OSBP: variants seen among roughly 807,000 people sequenced by gnomAD.
The protein encoded by OSBP is oxysterol binding protein.
In OSBP, 32 loss-of-function variants were observed where a neutral mutation model predicts 96.6. That is an observed-to-expected ratio of 0.33 (90% CI 0.25 to 0.45). The LOEUF (loss-of-function observed/expected upper bound fraction) is 0.45, where lower values mean the gene tolerates loss of function less well. OSBP is among the 20% of genes least tolerant of loss of function. OSBP has a pLI of 1.00. For synonymous variants in OSBP, 369 were observed against 389.6 expected, an observed-to-expected ratio of 0.95 and a Z score of 0.62; for missense variants, 653 against 1,029.7, an observed-to-expected ratio of 0.63 and a Z score of 5.01.
chr11:59,615,708 G>T lies in OSBP; in HGVS notation c.-44C>A. On this transcript the variant is annotated 5_prime_UTR_variant, in exon 1 of 14. Transcript: ENST00000263847. The stretch of plus-strand genomic sequence containing the variant: ...GATACAAGACCGGAACCGCCTACGA[G>T]AGCCGCCGTCGCCGCCCGGAGCGCC... 1 of 1,265,336 alleles carries T rather than the reference G, an allele frequency of 7.9e-7. No individual in the cohort carries two copies. Among genetic ancestry groups the T allele is most frequent in the Non-Finnish European group, 9.9e-7 (1 of 1,006,956 alleles). The allele number at this position is 1,265,336 out of a possible 1,614,324, so 78.4% of individuals were successfully genotyped here.
chr11:59,606,742 C>A (rs915104753), intron 3 of OSBP, among the ~76,000 whole-genome samples: 4 of 152,108 alleles, frequency 2.6e-5, no homozygotes, highest in Non-Finnish European at 5.9e-5. Flanking sequence ...TATAACTTTG[C>A]CCGTTTAGAG....
chr11:59,578,004 C>T (rs1334543783), intron 12 of OSBP, 145 bp downstream of exon 12: 1 of 709,754 alleles, frequency 1.4e-6, no homozygotes, highest in African/African-American at 1.8e-5. Flanking sequence ...ACAATGACAA[C>T]CTTCTGTTAA....
At chr11:59,582,163 T>C (rs1295437241) in intron 9 of OSBP, among the ~76,000 whole-genome samples, 3 of 152,342 alleles carry the variant, frequency 2.0e-5, no homozygotes, top group South Asian at 2.1e-4. Context: ...ACGGTGGACC[T>C]TGACAATTTA....
At chr11:59,601,245 G>T in intron 5 of OSBP, 38 bp downstream of exon 5, 2 of 1,125,534 alleles carry the variant, frequency 1.8e-6, no homozygotes, top group South Asian at 1.2e-5. Context: ...TGATGGTGAA[G>T]ATATGTTTAT....
rs373138068 is a variant in OSBP at position 59,581,517 on chromosome 11, G to T, written c.1716C>A (p.His572Gln). The change falls in exon 10 of 14, where the codon CAC (histidine) becomes CAA (glutamine). Residue 572 changes from histidine to glutamine, a missense_variant. By Grantham distance (24) the His-to-Gln change is conservative. This residue lies in a region of OSBP where 19 missense variants were observed against 16.1 expected (regional missense o/e 1.18). Transcript: ENST00000263847. ...IHCIFHATGH[H>Q]YTWKKVTTTV... ...TTGTGGTAACTTTCTTCCAAGTGTA[G>T]TGGTGCCCAGTTGCATGGAAAATAC... The T allele has an allele frequency of 6.2e-7, 1 of 1,612,508 alleles. No homozygotes were observed. Among genetic ancestry groups the T allele is most frequent in the Non-Finnish European group, 8.5e-7 (1 of 1,178,766 alleles).
Position 59,615,439 on chromosome 11 carries a change from T to C in OSBP, c.226A>G (p.Thr76Ala). The C allele has an allele frequency of 6.8e-7, 1 of 1,480,564 alleles. No homozygotes were observed. The highest frequency in any genetic ancestry group is 3.0e-5 in the East Asian group (1 of 33,498). The allele number at this position is 1,480,564 out of a possible 1,614,324, so 91.7% of individuals were successfully genotyped here. Residue 76 changes from threonine to alanine, a missense_variant, in exon 1 of 14, where the codon ACT becomes GCT. By Grantham distance (58) the Thr-to-Ala change is moderately conservative. Transcript: ENST00000263847. ...AAAGPAPAPP[T>A]GGSGGSGAGG... ...GCGCCCGAGCCGCCCGAGCCCCCAG[T>C]CGGCGGCGCAGGGGCCGGGCCAGCC...
intron 9 of OSBP, among the ~76,000 whole-genome samples, chr11:59,584,126 T>C (rs770513028): frequency 2.0e-5 from 3 of 152,100 alleles, no homozygotes; most frequent in East Asian, 3.9e-4. Context: ...TTTTTATTTT[T>C]TGTAGACACA....
chr11:59,586,181 AAAAAAAAAAAG>A (rs1477721888), intron 9 of OSBP, among the ~76,000 whole-genome samples: 19 of 150,024 alleles, frequency 1.3e-4, no homozygotes, highest in African/African-American at 4.0e-4. Flanking sequence ...AAATAAAGAA[AAAAAAAAAAAG>A]AAAAAAAAAA....
At chr11:59,604,384 T>C (rs1038639752) in intron 3 of OSBP, among the ~76,000 whole-genome samples, 2 of 151,902 alleles carry the variant, frequency 1.3e-5, no homozygotes, top group African/African-American at 4.8e-5. Flanking sequence ...CATCTCTATA[T>C]AAAAATTAAA....
At chr11:59,584,407 T>C (rs1440162501) in intron 9 of OSBP, among the ~76,000 whole-genome samples, 2 of 152,154 alleles carry the variant, frequency 1.3e-5, no homozygotes, top group South Asian at 2.1e-4. Flanking sequence ...AACTAGGAAA[T>C]TGAATTCAGC....
chr11:59,585,548 G>T (rs2134656508), intron 9 of OSBP, among the ~76,000 whole-genome samples: 1 of 151,044 alleles, frequency 6.6e-6, no homozygotes, highest in Middle Eastern at 3.5e-3. Flanking sequence ...GAGGTTGGGG[G>T]GGTCAGCCCC....
intron 9 of OSBP, among the ~76,000 whole-genome samples, chr11:59,587,883 T>C (rs1263682440): frequency 6.6e-6 from 1 of 152,226 alleles, no homozygotes; most frequent in Non-Finnish European, 1.5e-5. Flanking sequence ...TAAACATTTT[T>C]TTTTCTTAAG....
In OSBP at chr11:59,576,727, G is replaced by A. The variant is rs1380772635; in HGVS notation, c.2282-8C>T. On this transcript the variant is annotated splice_region_variant and splice_polypyrimidine_tract_variant and intron_variant, in intron 13 of 13. Transcript: ENST00000263847. The stretch of plus-strand genomic sequence containing the variant: ...AGGGATCATATGGTGTGCCTAAAAG[G>A]AAAAGAGAGGAAAGAAAAAAATTAG... 1.2e-6 allele frequency: 2 copies of A among 1,611,574 alleles called. No homozygotes were observed. The highest frequency in any genetic ancestry group is 1.7e-6 in the Non-Finnish European group (2 of 1,179,392).
intron 3 of OSBP, among the ~76,000 whole-genome samples, chr11:59,606,322 C>G (rs1381333218): frequency 6.6e-6 from 1 of 151,704 alleles, no homozygotes; most frequent in African/African-American, 2.4e-5. Context: ...AAGCTCTATC[C>G]TAAGCAGTCA....
rs1860714873 is a variant in OSBP, at chr11:59,600,885, G to A, written c.1125-12C>T. ...TGCTGCCAGTACGTCTGTACAGATG[G>A]GAAACACAGGAGAATTAGAACAAAG... On this transcript the variant is annotated splice_polypyrimidine_tract_variant and intron_variant, in intron 5 of 13. Transcript: ENST00000263847. 1 of 1,610,858 alleles carries A rather than the reference G, an allele frequency of 6.2e-7. No individual in the cohort carries two copies. Among genetic ancestry groups the A allele is most frequent in the African/African-American group, 1.3e-5 (1 of 74,802 alleles).
chr11:59,589,877 G>A (rs1057282555), intron 9 of OSBP, among the ~76,000 whole-genome samples: 6 of 151,972 alleles, frequency 3.9e-5, no homozygotes, highest in African/African-American at 1.5e-4. Flanking sequence ...CAGCTACTCC[G>A]GAAGCTGAAG....
At chr11:59,602,541 A>G (rs1860736271) in intron 3 of OSBP, among the ~76,000 whole-genome samples, 1 of 152,170 alleles carries the variant, frequency 6.6e-6, no homozygotes, top group East Asian at 1.9e-4. Flanking sequence ...ACATAAAGAG[A>G]CCTTCATAAT....
intron 4 of OSBP, 96 bp downstream of exon 4, chr11:59,601,544 A>T: frequency 8.4e-7 from 1 of 1,196,720 alleles, no homozygotes. Flanking sequence ...ATTTCACATG[A>T]CTCATTGACT....
intron 3 of OSBP, among the ~76,000 whole-genome samples, chr11:59,607,742 C>T (rs1364604191): frequency 6.6e-6 from 1 of 152,168 alleles, no homozygotes; most frequent in African/African-American, 2.4e-5. Context: ...CGTATCAATA[C>T]ATCGGTAATG....
Sources: gnomAD v4.1 joint callset for allele counts (sites outside exome capture counted in the v4.1 genomes callset) on GRCh38, gnomAD v4.1.1 for gene constraint, gnomAD v4.1.1 regional missense constraint, MANE v1.5 for transcripts, NCBI Gene and HGNC (gene_info 2026-07-23, HGNC 2026-07-21) for gene names.